TBC1D5: variants seen among roughly 807,000 people sequenced by gnomAD.
The protein encoded by TBC1D5 is TBC1 domain family, member 5.
TBC1D5 carries 75 observed loss-of-function variants against 100.3 expected under a neutral mutation model. The observed-to-expected ratio is 0.75, with a 90% CI of 0.62 to 0.91. TBC1D5 has a LOEUF of 0.91. Among genes scored for constraint, TBC1D5 ranks in the 40% least tolerant of loss-of-function variants. The probability of loss-of-function intolerance (pLI) is 0.00; values close to 1 mark genes in which losing one functional copy is unlikely to be tolerated. For synonymous variants in TBC1D5, 323 were observed against 325.6 expected, an observed-to-expected ratio of 0.99 and a Z score of 0.09; for missense variants, 910 against 942.4, an observed-to-expected ratio of 0.97 and a Z score of 0.45.
intron 18 of TBC1D5, among the ~76,000 whole-genome samples, chr3:17,189,901 A>G (rs748858275): frequency 6.6e-6 from 1 of 152,158 alleles, no homozygotes; most frequent in Non-Finnish European, 1.5e-5. Context: ...GATTGGCTGT[A>G]TTGTTTTGTT....
At chr3:17,488,920 A>G (rs2095603751) in intron 3 of TBC1D5, among the ~76,000 whole-genome samples, 2 of 149,700 alleles carry the variant, frequency 1.3e-5, no homozygotes, top group African/African-American at 4.9e-5. Flanking sequence ...TGAACTGCAC[A>G]TATGAGGGAT....
intron 3 of TBC1D5, among the ~76,000 whole-genome samples, chr3:17,500,080 C>G (rs1193025276): frequency 6.7e-6 from 1 of 149,530 alleles, no homozygotes; most frequent in Admixed American, 6.6e-5. Context: ...TCCTAGGACA[C>G]TGGTAAATGA....
intron 1 of TBC1D5, among the ~76,000 whole-genome samples, chr3:17,732,944 T>G (rs1303738303): frequency 6.6e-6 from 1 of 152,114 alleles, no homozygotes; most frequent in Admixed American, 6.6e-5. Flanking sequence ...TGTGACAAGA[T>G]GGGGACATTA....
chr3:17,170,847 G>C (rs1403891100), intron 19 of TBC1D5, among the ~76,000 whole-genome samples: 1 of 152,196 alleles, frequency 6.6e-6, no homozygotes, highest in Admixed American at 6.5e-5. Flanking sequence ...GAGAAACTAA[G>C]TGTGGGCATT....
intron 4 of TBC1D5, among the ~76,000 whole-genome samples, chr3:17,414,304 C>A (rs975310614): frequency 2.6e-5 from 4 of 152,070 alleles, no homozygotes; most frequent in African/African-American, 9.7e-5. Flanking sequence ...ATTTCATAAT[C>A]CTAAAGTACA....
At chr3:17,393,507 T>C (rs1022820187) in intron 8 of TBC1D5, among the ~76,000 whole-genome samples, 4 of 152,020 alleles carry the variant, frequency 2.6e-5, no homozygotes, top group Non-Finnish European at 2.9e-5. Flanking sequence ...AAAGAGCCCA[T>C]ATATTCATGA....
At chr3:17,438,320 AG>A (rs1035893421) in intron 3 of TBC1D5, among the ~76,000 whole-genome samples, 1 of 152,116 alleles carries the variant, frequency 6.6e-6, no homozygotes, top group African/African-American at 2.4e-5. Flanking sequence ...AGGCCATAAA[AG>A]ATTTGATATG....
intron 1 of TBC1D5, among the ~76,000 whole-genome samples, chr3:17,717,401 T>C (rs2075332375): frequency 6.6e-6 from 1 of 152,244 alleles, no homozygotes; most frequent in African/African-American, 2.4e-5. Flanking sequence ...CAGCATCTAC[T>C]GTGTCATGTT....
intron 17 of TBC1D5, among the ~76,000 whole-genome samples, chr3:17,227,269 A>G (rs1290644258): frequency 1.3e-5 from 2 of 152,206 alleles, no homozygotes; most frequent in Non-Finnish European, 2.9e-5. Context: ...TGGAGAACAC[A>G]GTATTTTCAA....
chr3:17,460,319 C>T (rs1576119600), intron 3 of TBC1D5, among the ~76,000 whole-genome samples: 1 of 152,158 alleles, frequency 6.6e-6, no homozygotes, highest in African/African-American at 2.4e-5. Flanking sequence ...TTAATGGCTT[C>T]AAATTCCTCT....
At chr3:17,675,340 T>G (rs2068488822) in intron 1 of TBC1D5, among the ~76,000 whole-genome samples, 1 of 152,118 alleles carries the variant, frequency 6.6e-6, no homozygotes, top group African/African-American at 2.4e-5. Flanking sequence ...AACGTTCTAC[T>G]AAAGATAGCT....
chr3:17,493,309 CT>C (rs1347955415), intron 3 of TBC1D5, among the ~76,000 whole-genome samples: 1 of 151,676 alleles, frequency 6.6e-6, no homozygotes, highest in Non-Finnish European at 1.5e-5. Flanking sequence ...GAGAAATCCT[CT>C]CTTAGTCTGA....
intron 16 of TBC1D5, among the ~76,000 whole-genome samples, chr3:17,243,706 TA>T (rs540758414): frequency 1.5e-4 from 22 of 150,464 alleles, no homozygotes; most frequent in African/African-American, 4.1e-4. Flanking sequence ...GAGTTTAAAT[TA>T]AAAAAAAAAT....
intron 18 of TBC1D5, among the ~76,000 whole-genome samples, chr3:17,209,682 CCTTT>C (rs2072703480): frequency 6.6e-6 from 1 of 152,184 alleles, no homozygotes; most frequent in Non-Finnish European, 1.5e-5. Flanking sequence ...TTTATCATAA[CCTTT>C]CTTTCTTTTC....
intron 19 of TBC1D5, among the ~76,000 whole-genome samples, chr3:17,181,331 G>A (rs562383947): frequency 2.0e-5 from 3 of 152,308 alleles, no homozygotes; most frequent in Admixed American, 1.3e-4. Context: ...CAGCTCTACG[G>A]CCATGGGCTG....
At chr3:17,252,831 T>C (rs563843403) in intron 16 of TBC1D5, among the ~76,000 whole-genome samples, 1 of 152,324 alleles carries the variant, frequency 6.6e-6, no homozygotes, top group East Asian at 1.9e-4. Flanking sequence ...TTTTCACTGA[T>C]GTTCTCTCAA....
At chr3:17,260,189 A>G (rs774135137) in intron 15 of TBC1D5, among the ~76,000 whole-genome samples, 20 of 152,198 alleles carry the variant, frequency 1.3e-4, no homozygotes, top group Non-Finnish European at 2.4e-4. Context: ...ACTATCGCTC[A>G]TGACTAATTT....
intron 1 of TBC1D5, among the ~76,000 whole-genome samples, chr3:17,681,132 T>C (rs565659608): frequency 2.6e-5 from 4 of 151,718 alleles, no homozygotes; most frequent in African/African-American, 9.8e-5. Flanking sequence ...GTATTACTCT[T>C]AGAACTATAG....
chr3:17,178,926 T>A (rs943302256), intron 19 of TBC1D5, among the ~76,000 whole-genome samples: 1 of 152,174 alleles, frequency 6.6e-6, no homozygotes, highest in Non-Finnish European at 1.5e-5. Context: ...ATTATAGGCA[T>A]GGCCATGCTG....
Sources: allele counts gnomAD v4.1 joint callset (sites outside exome capture counted in the v4.1 genomes callset), GRCh38; gene constraint gnomAD v4.1.1; transcripts MANE v1.5; gene names NCBI Gene and HGNC (gene_info 2026-07-23, HGNC 2026-07-21).